TSHZ2: variants seen among roughly 807,000 people sequenced by gnomAD.
TSHZ2 encodes the protein teashirt homolog 2.
A neutral mutation model predicts 74.4 loss-of-function variants in TSHZ2; 21 were observed. The ratio of observed to expected loss-of-function variants is 0.28; its 90% CI spans 0.20 to 0.41. The LOEUF (loss-of-function observed/expected upper bound fraction) is 0.41, where lower values mean the gene tolerates loss of function less well. Among genes scored for constraint, TSHZ2 ranks in the 10% least tolerant of loss-of-function variants. The pLI, the probability that TSHZ2 is intolerant of heterozygous loss-of-function variation, is 1.00. For synonymous variants in TSHZ2, 540 were observed against 515.3 expected (o/e 1.05, Z -0.65); for missense variants, 1,244 against 1,293.5 (o/e 0.96, Z 0.59).
At chr20:53,109,859 A>T (rs577769514) in intron 1 of TSHZ2, among the ~76,000 whole-genome samples, 1 of 152,168 alleles carries the variant, frequency 6.6e-6, no homozygotes, top group African/African-American at 2.4e-5. Flanking sequence ...AGTAAATGTC[A>T]TGGCTCCCTA....
At chr20:53,078,488 T>A (rs1057078871) in intron 1 of TSHZ2, among the ~76,000 whole-genome samples, 21 of 152,200 alleles carry the variant, frequency 1.4e-4, no homozygotes, top group Non-Finnish European at 1.6e-4. Context: ...TCTGGCATAT[T>A]TGGGATCATG....
chr20:53,047,726 C>CA (rs146052875), intron 1 of TSHZ2, among the ~76,000 whole-genome samples: 4,621 of 148,982 alleles, frequency 0.031, 147 homozygotes, highest in African/African-American at 0.082. Flanking sequence ...CATTTTGGAG[C>CA]AAAAAAAAAC....
chr20:53,097,946 G>A (rs1380715909), intron 1 of TSHZ2: 1 of 152,238 alleles, frequency 6.6e-6, no homozygotes, highest in African/African-American at 2.4e-5. Context: ...TGGCGTTTTA[G>A]ATACACAAGA....
intron 1 of TSHZ2, among the ~76,000 whole-genome samples, chr20:53,047,694 C>T (rs1269127028): frequency 2.0e-5 from 3 of 151,900 alleles, no homozygotes; most frequent in Non-Finnish European, 4.4e-5. Flanking sequence ...CTATGACAAC[C>T]AAGCAAAATA....
intron 2 of TSHZ2, chr20:53,452,918 A>C (rs1029892844): frequency 6.6e-5 from 10 of 152,194 alleles, no homozygotes; most frequent in Non-Finnish European, 1.3e-4. Context: ...CTTGAAGGGA[A>C]GAAGCATGTC....
intron 1 of TSHZ2, among the ~76,000 whole-genome samples, chr20:53,040,544 C>G (rs998452758): frequency 2.6e-5 from 4 of 152,106 alleles, no homozygotes; most frequent in Admixed American, 2.0e-4. Context: ...TCTCTGAGTG[C>G]AGTTTGCTCC....
chr20:53,143,695 AAAATAAAT>A (rs1000130000), intron 1 of TSHZ2, among the ~76,000 whole-genome samples: 1 of 151,984 alleles, frequency 6.6e-6, no homozygotes, highest in Non-Finnish European at 1.5e-5. Context: ...CCGTCTCAAA[AAAATAAAT>A]AAATAAATAA....
chr20:53,420,263 G>A (rs1191590563), intron 2 of TSHZ2, among the ~76,000 whole-genome samples: 4 of 152,322 alleles, frequency 2.6e-5, no homozygotes, highest in South Asian at 2.1e-4. Flanking sequence ...CAGGGAAGGC[G>A]TCTCAGAGAA....
chr20:53,421,302 ATGGTCTGAGCAC>A (rs534392963), intron 2 of TSHZ2: 23 of 165,682 alleles, frequency 1.4e-4, no homozygotes, highest in African/African-American at 5.3e-4. Context: ...GAAAACTTTC[ATGGTCTGAGCAC>A]TGGAGAGAAA....
chr20:53,428,926 C>T (rs911301338), intron 2 of TSHZ2, among the ~76,000 whole-genome samples: 1 of 152,216 alleles, frequency 6.6e-6, no homozygotes, highest in Non-Finnish European at 1.5e-5. Context: ...GGTGACCATA[C>T]TGTGGAGGTC....
At chr20:53,186,425 C>T (rs1169830366) in intron 1 of TSHZ2, among the ~76,000 whole-genome samples, 2 of 152,162 alleles carry the variant, frequency 1.3e-5, no homozygotes, top group African/African-American at 4.8e-5. Context: ...GAATCAGAAA[C>T]CCTAGGCTTG....
At chr20:53,394,628 A>G (rs979340464) in intron 2 of TSHZ2, among the ~76,000 whole-genome samples, 1 of 151,980 alleles carries the variant, frequency 6.6e-6, no homozygotes, top group Non-Finnish European at 1.5e-5. Context: ...CTTGCTTGCC[A>G]TGTGCTTTTA....
At chr20:53,237,350 G>A in intron 1 of TSHZ2, among the ~76,000 whole-genome samples, 1 of 152,136 alleles carries the variant, frequency 6.6e-6, no homozygotes, top group African/African-American at 2.4e-5. Context: ...ACAACTGAGT[G>A]ATGGTAGAAA....
At chr20:53,222,726 AG>A (rs558163958) in intron 1 of TSHZ2, among the ~76,000 whole-genome samples, 1 of 152,240 alleles carries the variant, frequency 6.6e-6, no homozygotes, top group African/African-American at 2.4e-5. Context: ...AGAATCAGCA[AG>A]GGGGCTTGGA....
chr20:53,328,178 G>A (rs1439638622), intron 2 of TSHZ2, among the ~76,000 whole-genome samples: 3 of 152,184 alleles, frequency 2.0e-5, no homozygotes, highest in South Asian at 2.1e-4. Flanking sequence ...AATGTGTGCC[G>A]AGATTGCTAA....
intron 2 of TSHZ2, among the ~76,000 whole-genome samples, chr20:53,343,847 C>T (rs1161952061): frequency 2.0e-5 from 3 of 152,158 alleles, no homozygotes; most frequent in African/African-American, 7.2e-5. Context: ...AAATGAAGCT[C>T]AGAAAATGAG....
chr20:52,986,637 G>C (rs1032809317), intron 1 of TSHZ2, among the ~76,000 whole-genome samples: 28 of 151,668 alleles, frequency 1.8e-4, no homozygotes, highest in Admixed American at 1.8e-3. Flanking sequence ...GCTGAGCCAG[G>C]AGAATCGCTT....
At chr20:53,303,929 C>A (rs892244493) in intron 2 of TSHZ2, among the ~76,000 whole-genome samples, 2 of 152,092 alleles carry the variant, frequency 1.3e-5, no homozygotes, top group African/African-American at 2.4e-5. Flanking sequence ...ACCTTTGTAG[C>A]AATTCTTTTA....
rs549771450 is a variant in TSHZ2, at chr20:53,121,386, C to G, written c.41-132113C>G. On this transcript the variant is annotated intron_variant, in intron 1 of 2. Transcript: ENST00000371497. ...GAGGCAGTGGGCAAGATATATATAGCCTTCATTGTCTAGCTATTATTTTTC... is the reference window on the plus strand; with the variant it reads ...GAGGCAGTGGGCAAGATATATATAGGCTTCATTGTCTAGCTATTATTTTTC... Among the ~76,000 whole-genome samples the G allele has an allele frequency of 3.3e-5, 5 of 151,762 alleles. No individual in the cohort carries two copies. In the East Asian group the frequency reaches 9.7e-4, roughly 29 times the overall value.
Sources: gnomAD v4.1 joint callset for allele counts (sites outside exome capture counted in the v4.1 genomes callset) on GRCh38, gnomAD v4.1.1 for gene constraint, MANE v1.5 for transcripts, NCBI Gene and HGNC (gene_info 2026-07-23, HGNC 2026-07-21) for gene names.